The following ELP3 variants were observed in gnomAD, a reference collection of about 807,000 sequenced individuals.
The protein encoded by ELP3 is elongator acetyltransferase complex subunit 3.
In ELP3, 56 loss-of-function variants were observed where a neutral mutation model predicts 74.9. The observed-to-expected ratio is 0.75, with a 90% confidence interval of 0.60 to 0.93. ELP3 has a LOEUF of 0.93. Among genes scored for constraint, ELP3 ranks in the 40% least tolerant of loss-of-function variants. ELP3 has a pLI of 0.00. For missense variants in ELP3, 573 were observed against 686.5 expected (o/e 0.83, Z 1.85); for synonymous variants, 222 against 239.8 (o/e 0.93, Z 0.68).
intron 14 of ELP3, among the ~76,000 whole-genome samples, chr8:28,175,415 C>T (rs1023970979): frequency 1.3e-5 from 2 of 152,164 alleles, no homozygotes; most frequent in African/African-American, 4.8e-5. Flanking sequence ...CCATTGAACA[C>T]CTCTAGTGAA....
At chr8:28,143,326 A>G (rs1228508925) in intron 10 of ELP3, among the ~76,000 whole-genome samples, 1 of 152,236 alleles carries the variant, frequency 6.6e-6, no homozygotes, top group African/African-American at 2.4e-5. Flanking sequence ...CTAATTATCC[A>G]GAACTTATGT....
At chr8:28,156,806 A>T (rs1347905250) in intron 11 of ELP3, among the ~76,000 whole-genome samples, 4 of 152,200 alleles carry the variant, frequency 2.6e-5, no homozygotes, top group African/African-American at 9.7e-5. Context: ...AGGATTGCAT[A>T]TGGTGTTTGT....
At chr8:28,134,290 C>A (rs1402691233) in intron 9 of ELP3, among the ~76,000 whole-genome samples, 1 of 152,172 alleles carries the variant, frequency 6.6e-6, no homozygotes, top group African/African-American at 2.4e-5. Context: ...ATAGCTGAGT[C>A]TCAGTACATA....
At chr8:28,153,753 C>T (rs1033855064) in intron 10 of ELP3, among the ~76,000 whole-genome samples, 43 of 152,136 alleles carry the variant, frequency 2.8e-4, no homozygotes, top group African/African-American at 9.9e-4. Flanking sequence ...TCTTAAAAAC[C>T]GTGTTTTCTA....
intron 9 of ELP3, among the ~76,000 whole-genome samples, chr8:28,134,082 C>T (rs1052251592): frequency 1.3e-5 from 2 of 152,118 alleles, no homozygotes; most frequent in Non-Finnish European, 2.9e-5. Context: ...TTAGGTATTT[C>T]TCCTAATGCT....
At chr8:28,135,065 A>G (rs1048692893) in intron 9 of ELP3, among the ~76,000 whole-genome samples, 11 of 151,864 alleles carry the variant, frequency 7.2e-5, no homozygotes, top group African/African-American at 2.4e-4. Flanking sequence ...AGTAGCTGGG[A>G]TTACAGGTGC....
At chr8:28,142,692 TTA>T (rs1255247166) in intron 10 of ELP3, among the ~76,000 whole-genome samples, 3 of 152,200 alleles carry the variant, frequency 2.0e-5, no homozygotes, top group African/African-American at 7.2e-5. Context: ...TGTCAGGTTT[TTA>T]TGCTTTAGGA....
intron 7 of ELP3, among the ~76,000 whole-genome samples, chr8:28,117,126 T>G (rs1404787168): frequency 6.6e-6 from 1 of 152,150 alleles, no homozygotes; most frequent in Admixed American, 6.5e-5. Flanking sequence ...AATTGAGCTG[T>G]AAATATCTTA....
intron 13 of ELP3, among the ~76,000 whole-genome samples, chr8:28,161,039 A>G (rs956034276): frequency 2.0e-5 from 3 of 152,186 alleles, no homozygotes; most frequent in African/African-American, 4.8e-5. Context: ...AATACTGGCA[A>G]TCTCATATGG....
intron 10 of ELP3, among the ~76,000 whole-genome samples, chr8:28,155,460 G>A (rs1415873054): frequency 6.6e-6 from 1 of 152,098 alleles, no homozygotes; most frequent in Non-Finnish European, 1.5e-5. Context: ...GAGAAACAAG[G>A]AAAAAAGATT....
chr8:28,183,963 C>T (rs1434462249), intron 14 of ELP3, among the ~76,000 whole-genome samples: 2 of 152,180 alleles, frequency 1.3e-5, no homozygotes, highest in African/African-American at 2.4e-5. Context: ...GGGTGGCTGA[C>T]GTCAGCTCTG....
chr8:28,100,925 CA>C (rs1811455600), intron 3 of ELP3, among the ~76,000 whole-genome samples: 1 of 152,160 alleles, frequency 6.6e-6, no homozygotes, highest in South Asian at 2.1e-4. Context: ...TGTGATCCCA[CA>C]AGTTCATTCT....
chr8:28,139,407 C>T, intron 10 of ELP3, among the ~76,000 whole-genome samples: 1 of 152,052 alleles, frequency 6.6e-6, no homozygotes, highest in East Asian at 1.9e-4. Context: ...TCATGGTTTC[C>T]AACATATAGG....
At chr8:28,171,654 T>C (rs2130580737) in intron 14 of ELP3, among the ~76,000 whole-genome samples, 1 of 152,290 alleles carries the variant, frequency 6.6e-6, no homozygotes, top group Admixed American at 6.5e-5. Flanking sequence ...CAAAAGTTTG[T>C]AATTTTAATG....
intron 7 of ELP3, among the ~76,000 whole-genome samples, chr8:28,121,140 T>C (rs1285600369): frequency 6.6e-6 from 1 of 152,162 alleles, no homozygotes; most frequent in Non-Finnish European, 1.5e-5. Flanking sequence ...TTATTGCTTC[T>C]TGCAATTCAT....
At chr8:28,090,478 GGTGGGTGTGTGTGTGTGT>G (rs1446113850), upstream of ELP3, 24 of 227,230 alleles carry the variant, frequency 1.1e-4, no homozygotes, top group East Asian at 1.8e-3. Flanking sequence ...TAGTCTGATG[GGTGGGTGTGTGTGTGTGT>G]GTGTGTGTGT....
At chr8:28,175,425 ATT>A (rs1477909814) in intron 14 of ELP3, among the ~76,000 whole-genome samples, 2 of 152,102 alleles carry the variant, frequency 1.3e-5, no homozygotes. Context: ...CCTCTAGTGA[ATT>A]TTTTATTTTT....
intron 14 of ELP3, among the ~76,000 whole-genome samples, chr8:28,173,993 G>A (rs914375928): frequency 2.6e-5 from 4 of 151,950 alleles, no homozygotes; most frequent in Non-Finnish European, 5.9e-5. Context: ...AATTTATTAA[G>A]ACATGTTTTC....
chr8:28,104,926 TAATG>T (rs1811628425), intron 3 of ELP3, among the ~76,000 whole-genome samples: 1 of 152,224 alleles, frequency 6.6e-6, no homozygotes, highest in African/African-American at 2.4e-5. Context: ...GTGAAGGAAT[TAATG>T]GTTTCCTATT....
Sources: gnomAD v4.1 joint callset for allele counts (sites outside exome capture counted in the v4.1 genomes callset) on GRCh38, gnomAD v4.1.1 for gene constraint, MANE v1.5 for transcripts, NCBI Gene and HGNC (gene_info 2026-07-23, HGNC 2026-07-21) for gene names.